Variants in LUZP4 observed in about 807,000 individuals in gnomAD.
LUZP4 encodes leucine zipper protein 4.
Under a neutral mutation model 8.5 loss-of-function variants are expected in LUZP4, and 11 were observed. That is an observed-to-expected ratio of 1.30 (90% confidence interval 0.82 to 2.14). The LOEUF (loss-of-function observed/expected upper bound fraction) is 2.14, where lower values mean the gene tolerates loss of function less well. Ranked by LOEUF, LUZP4 falls within the 30% of genes most tolerant of loss-of-function variation. LUZP4 has a pLI of 0.00. For synonymous variants in LUZP4, 104 were observed against 79.4 expected, an observed-to-expected ratio of 1.31 and a Z score of -1.65; for missense variants, 276 against 229.7, an observed-to-expected ratio of 1.20 and a Z score of -1.30.
In LUZP4 at chrX:115,302,110, T is replaced by C; in HGVS notation, c.210T>C (p.His70=). The change falls in exon 2 of 4, where the codon CAT becomes CAC. Residue 70 remains histidine, a synonymous_variant. Transcript: ENST00000371920. ...PSRQQSKAHR[H]RHRRGYSRCR... ...GACAGCAATCAAAAGCTCATAGACA[T>C]CGCCATCGGAGAGGTAAAGTATGCT... 1.7e-6 allele frequency: 2 copies of C among 1,189,237 alleles called. No homozygotes were observed. Among genetic ancestry groups the C allele is most frequent in the Non-Finnish European group, 2.3e-6 (2 of 886,971 alleles).
chrX:115,304,360 T>C (rs1252710631), intron 3 of LUZP4, among the ~76,000 whole-genome samples: 5 of 112,026 alleles, frequency 4.5e-5, no homozygotes, highest in African/African-American at 1.6e-4. Context: ...ATGGAAGAGA[T>C]GGCATATGAT....
intron 1 of LUZP4, among the ~76,000 whole-genome samples, chrX:115,294,079 C>G (rs990297278): frequency 8.0e-5 from 9 of 112,336 alleles, no homozygotes; most frequent in Non-Finnish European, 1.7e-4. Context: ...TCACTCTAGG[C>G]CCTGCCTTGT....
intron 3 of LUZP4, among the ~76,000 whole-genome samples, 200 bp from the exon 4 acceptor site, chrX:115,306,005 T>A (rs1291934741): frequency 1.8e-5 from 2 of 111,730 alleles, no homozygotes; most frequent in Non-Finnish European, 3.8e-5. Flanking sequence ...TTTAGTTGCA[T>A]AGCATTTTTG....
chrX:115,290,993 C>A (rs1374603977), intron 1 of LUZP4, among the ~76,000 whole-genome samples: 2 of 111,011 alleles, frequency 1.8e-5, no homozygotes, highest in Non-Finnish European at 3.8e-5. Flanking sequence ...TTTAGTAGAG[C>A]GAGGTTTCAC....
intron 1 of LUZP4, among the ~76,000 whole-genome samples, chrX:115,294,820 A>T (rs781867441): frequency 9.0e-6 from 1 of 111,680 alleles, no homozygotes; most frequent in African/African-American, 3.3e-5. Context: ...CTGAGGAAAG[A>T]TGTTGAGTTG....
intron 1 of LUZP4, among the ~76,000 whole-genome samples, chrX:115,301,053 G>C (rs782199833): frequency 1.1e-4 from 12 of 110,935 alleles, no homozygotes; most frequent in Non-Finnish European, 2.3e-4. Context: ...CTAGTACTAA[G>C]CAAAATAATA....
chrX:115,303,145 T>G (rs2073405190), intron 2 of LUZP4, among the ~76,000 whole-genome samples, 155 bp from the exon 3 acceptor site: 1 of 111,544 alleles, frequency 9.0e-6, no homozygotes, highest in South Asian at 3.7e-4. Context: ...GTTCTAGAAT[T>G]CAGTGAGACT....
chrX:115,300,193 C>T (rs1464922557), intron 1 of LUZP4, among the ~76,000 whole-genome samples: 1 of 111,554 alleles, frequency 9.0e-6, no homozygotes, highest in Non-Finnish European at 1.9e-5. Context: ...GCTGCCCCAG[C>T]TGGTGTCTCA....
chrX:115,302,047 T>A lies in LUZP4; in HGVS notation c.147T>A (p.Asn49Lys). 4 of 1,188,018 alleles carry A rather than the reference T, an allele frequency of 3.4e-6. No homozygotes were observed. Among genetic ancestry groups the A allele is most frequent in the Non-Finnish European group, 4.6e-6 (4 of 877,775 alleles). Residue 49 changes from asparagine (N) to lysine (K), a missense_variant, in exon 2 of 4, where the codon AAT (asparagine) becomes AAA (lysine). Asn to Lys is a moderately conservative substitution (Grantham distance 94, BLOSUM62 0). Coordinates refer to ENST00000371920, the MANE Select transcript of LUZP4 (RefSeq NM_016383.5). ...LEGTNAEEEK[N>K]KRQNHSKKES... is the part of the protein sequence containing the mutation. ...GGACAAATGCTGAAGAAGAAAAGAATAAAAGACAGAACCATAGTAAAAAGG... is the reference window on the plus strand; with the variant it reads ...GGACAAATGCTGAAGAAGAAAAGAAAAAAAGACAGAACCATAGTAAAAAGG...
At chrX:115,296,195 A>G (rs1003261514) in intron 1 of LUZP4, among the ~76,000 whole-genome samples, 1 of 112,353 alleles carries the variant, frequency 8.9e-6, no homozygotes, top group Non-Finnish European at 1.9e-5. Flanking sequence ...AAAATGCAAT[A>G]TAAGTATACT....
chrX:115,290,907 A>G (rs1411605925), intron 1 of LUZP4, among the ~76,000 whole-genome samples: 1 of 111,440 alleles, frequency 9.0e-6, no homozygotes, highest in African/African-American at 3.3e-5. Context: ...CTCAGTCGAC[A>G]GAGTAGCTGG....
chrX:115,295,785 T>C (rs1329328792), intron 1 of LUZP4, among the ~76,000 whole-genome samples: 1 of 111,153 alleles, frequency 9.0e-6, no homozygotes, highest in Admixed American at 9.6e-5. Context: ...TGTTAATTAC[T>C]TTTACCTAAA....
In LUZP4 at chrX:115,303,374, A is replaced by G; in HGVS notation, c.298A>G (p.Lys100Glu). ...KKPSQKPSGF[K>E]SGQHPLNGQP... Reference sequence around the variant, plus strand: ...ACCATCCCAAAAACCTTCTGGATTCAAGTCTGGACAACACCCTTTAAATGG... The same window carrying G: ...ACCATCCCAAAAACCTTCTGGATTCGAGTCTGGACAACACCCTTTAAATGG... The change falls in exon 3 of 4, where the codon AAG (lysine) becomes GAG (glutamate). Residue 100 changes from lysine to glutamate, a missense_variant. By Grantham distance (56) the Lys-to-Glu change is moderately conservative (BLOSUM62 1). Transcript: ENST00000371920. 1 of 1,193,217 alleles carries G rather than the reference A, an allele frequency of 8.4e-7. No individual in the cohort carries two copies. Among genetic ancestry groups the G allele is most frequent in the Non-Finnish European group, 1.1e-6 (1 of 885,528 alleles).
At chrX:115,305,563 T>A (rs2073416579) in intron 3 of LUZP4, among the ~76,000 whole-genome samples, 1 of 111,985 alleles carries the variant, frequency 8.9e-6, no homozygotes, top group African/African-American at 3.2e-5. Context: ...ATCATAGAGA[T>A]TTGTCAAAGG....
chrX:115,301,899 C>T, intron 1 of LUZP4, 93 bp from the exon 2 acceptor site: 1 of 511,809 alleles, frequency 2.0e-6, no homozygotes, highest in Non-Finnish European at 2.9e-6. Context: ...TTTAGGTATT[C>T]TGAAATATGA....
intron 1 of LUZP4, among the ~76,000 whole-genome samples, chrX:115,300,063 G>T (rs2073389496): frequency 9.0e-6 from 1 of 110,758 alleles, no homozygotes; most frequent in Non-Finnish European, 1.9e-5. Context: ...TGGTATCTAA[G>T]ATGTAAGACA....
rs1603132522 is a variant in LUZP4, at chrX:115,293,423, G to A, written c.91+3573G>A. 4.6e-5 allele frequency among the ~76,000 whole-genome samples: 5 copies of A among 109,473 alleles called. 1 individual carries two copies. In the Middle Eastern group the frequency reaches 0.014, roughly 306 times the overall value. ...CCTCCCAAGTAGCTGGGATACAGGC[G>A]TGTGCCACCACGCCCAGCTAATTTT... On this transcript the variant is annotated intron_variant, in intron 1 of 3. Transcript: ENST00000371920.
intron 3 of LUZP4, 95 bp downstream of exon 3, chrX:115,303,513 G>A: frequency 2.4e-6 from 1 of 417,794 alleles, no homozygotes; most frequent in Non-Finnish European, 3.8e-6. Context: ...TTGAAAGCAG[G>A]GATTGTTTCT....
In LUZP4 at chrX:115,299,999, C is replaced by T. The variant is rs781957816; in HGVS notation, c.92-1993C>T. Among the ~76,000 whole-genome samples the T allele has an allele frequency of 6.9e-4, 77 of 111,797 alleles. No homozygotes were observed. The South Asian group carries it at 0.011, about 15-fold the overall frequency. On this transcript the variant is annotated intron_variant, in intron 1 of 3. Transcript: ENST00000371920. ...AGAAATGTGGACCAGGAGCTAGAGC[C>T]TGAAACAGGAACCTCATAACTCTAA...
Sources: allele counts gnomAD v4.1 joint callset (sites outside exome capture counted in the v4.1 genomes callset), GRCh38; gene constraint gnomAD v4.1.1; transcripts MANE v1.5; gene names NCBI Gene and HGNC (gene_info 2026-07-23, HGNC 2026-07-21).